CFTR: variants seen among roughly 807,000 people sequenced by gnomAD.
The protein encoded by CFTR is cystic fibrosis transmembrane conductance regulator.
A neutral mutation model predicts 171.6 loss-of-function variants in CFTR; 181 were observed. The observed-to-expected ratio is 1.05, with a 90% confidence interval of 0.93 to 1.19. The LOEUF is 1.19. Ranked by LOEUF, CFTR falls within the 50% of genes most tolerant of loss-of-function variation. CFTR has a pLI of 0.00. For missense variants in CFTR, 1,968 were observed against 1,734.7 expected (o/e 1.13, Z -2.39); for synonymous variants, 583 against 608.0 (o/e 0.96, Z 0.60).
chr7:117,610,899 G>A (rs950443981), intron 19 of CFTR, among the ~76,000 whole-genome samples: 1 of 151,984 alleles, frequency 6.6e-6, no homozygotes, highest in African/African-American at 2.4e-5. Flanking sequence ...TTTAAAATAG[G>A]TATATAGAAT....
Position 117,668,493 on chromosome 7 carries a change from G to A in CFTR, c.*1385G>A, listed in dbSNP as rs1342355372. On this transcript the variant is annotated 3_prime_UTR_variant, in exon 27 of 27. Coordinates refer to ENST00000003084, the MANE Select transcript of CFTR (RefSeq NM_000492.4). ...GTTGCCCACAGCTGTATGATTCCCA[G>A]CCAGCACAGCCTCTTAGATGCAGTT... 6.6e-6 allele frequency: 1 copy of A among 152,606 alleles called. No homozygotes were observed. The highest frequency in any genetic ancestry group is 1.5e-5 in the Non-Finnish European group (1 of 68,042). The allele number at this position is 152,606 out of a possible 1,614,324, so 9.5% of individuals were successfully genotyped here.
At chr7:117,545,280 C>T (rs1392616354) in intron 9 of CFTR, among the ~76,000 whole-genome samples, 1 of 152,184 alleles carries the variant, frequency 6.6e-6, no homozygotes, top group African/African-American at 2.4e-5. Flanking sequence ...CCCACTGGGT[C>T]CCTCCCACAA....
At chr7:117,508,251 A>T (rs1228503887) in intron 2 of CFTR, among the ~76,000 whole-genome samples, 1 of 152,194 alleles carries the variant, frequency 6.6e-6, no homozygotes, top group Non-Finnish European at 1.5e-5. Context: ...ATATTTAGAG[A>T]TATTTTATTC....
chr7:117,574,076 G>C (rs1791735943), intron 11 of CFTR, among the ~76,000 whole-genome samples: 1 of 151,928 alleles, frequency 6.6e-6, no homozygotes. Flanking sequence ...TTTCATGGAA[G>C]GGAAGATCTA....
At chr7:117,515,788 G>A (rs568448377) in intron 3 of CFTR, among the ~76,000 whole-genome samples, 2 of 152,112 alleles carry the variant, frequency 1.3e-5, no homozygotes, top group Non-Finnish European at 2.9e-5. Flanking sequence ...CCGTAAGGAC[G>A]ACACTTTTTC....
intron 6 of CFTR, 95 bp downstream of exon 6, chr7:117,535,506 T>TGAA: frequency 1.0e-6 from 1 of 959,130 alleles, no homozygotes; most frequent in African/African-American, 1.7e-5. Flanking sequence ...CATAGAACAG[T>TGAA]GATCTTCAGT....
intron 1 of CFTR, among the ~76,000 whole-genome samples, chr7:117,495,809 A>T (rs1453100784): frequency 6.6e-6 from 1 of 152,172 alleles, no homozygotes; most frequent in African/African-American, 2.4e-5. Context: ...GTTTAGTAAA[A>T]CTTTCTAAAA....
intron 11 of CFTR, among the ~76,000 whole-genome samples, chr7:117,568,815 T>C (rs1271418311): frequency 6.6e-6 from 1 of 152,174 alleles, no homozygotes; most frequent in Non-Finnish European, 1.5e-5. Context: ...TTACCAACTA[T>C]AGTGGCCACA....
chr7:117,531,605 C>T (rs1477551729), intron 4 of CFTR, among the ~76,000 whole-genome samples: 1 of 152,094 alleles, frequency 6.6e-6, no homozygotes, highest in Non-Finnish European at 1.5e-5. Context: ...ATCCTATGAG[C>T]CCTACAAATT....
At chr7:117,534,574 G>C (rs923923387) in intron 5 of CFTR, among the ~76,000 whole-genome samples, 1 of 152,150 alleles carries the variant, frequency 6.6e-6, no homozygotes, top group African/African-American at 2.4e-5. Flanking sequence ...AGGCACCTTA[G>C]CCTGTTGTTA....
At chr7:117,595,153 A>T in intron 15 of CFTR, 95 bp downstream of exon 15, 4 of 951,356 alleles carry the variant, frequency 4.2e-6, no homozygotes, top group South Asian at 4.1e-5. Flanking sequence ...ATAAATATGT[A>T]TATATACACA....
rs140579556 is a variant in CFTR at position 117,564,752 on chromosome 7, G to T, written c.1584+5097G>T. 188 of 167,030 alleles carry T rather than the reference G, an allele frequency of 1.1e-3. 1 individual carries two copies. The highest frequency in any genetic ancestry group is 3.9e-3 in the African/African-American group (161 of 41,564). 10.3% of individuals were successfully genotyped at this position (167,030 alleles called of 1,614,324 possible). ...ACTCTAATGTCTGCAAAGCACTTGC[G>T]TATGTAATGATGCTCAGTGTCATAG... On this transcript the variant is annotated intron_variant, in intron 11 of 26. Transcript: ENST00000003084.
intron 11 of CFTR, among the ~76,000 whole-genome samples, chr7:117,578,255 C>T (rs1791800301): frequency 6.6e-6 from 1 of 152,030 alleles, no homozygotes; most frequent in African/African-American, 2.4e-5. Flanking sequence ...TCTTCCTCCT[C>T]AGCTGACTCA....
chr7:117,487,685 A>T (rs3757802), intron 1 of CFTR: 1 of 151,894 alleles, frequency 6.6e-6, no homozygotes, highest in East Asian at 1.9e-4. Context: ...CTTAGCATGG[A>T]CTACAGAGGT....
intron 1 of CFTR, among the ~76,000 whole-genome samples, chr7:117,488,837 T>A (rs1798113788): frequency 6.6e-6 from 1 of 152,100 alleles, no homozygotes; most frequent in Non-Finnish European, 1.5e-5. Context: ...GTTATGTTTC[T>A]GAAATCGAGA....
chr7:117,633,425 T>A (rs921033256), intron 22 of CFTR, among the ~76,000 whole-genome samples: 1 of 152,138 alleles, frequency 6.6e-6, no homozygotes, highest in African/African-American at 2.4e-5. Flanking sequence ...TTATTTTGAA[T>A]CTTCTACATA....
intron 22 of CFTR, among the ~76,000 whole-genome samples, 174 bp from the exon 23 acceptor site, chr7:117,642,264 C>T (rs1792927578): frequency 6.6e-6 from 1 of 152,142 alleles, no homozygotes; most frequent in Non-Finnish European, 1.5e-5. Context: ...CTCCATATAT[C>T]AACATTGGTC....
intron 9 of CFTR, among the ~76,000 whole-genome samples, chr7:117,542,478 C>T (rs1047911111): frequency 4.6e-5 from 7 of 151,568 alleles, no homozygotes; most frequent in Non-Finnish European, 7.4e-5. Flanking sequence ...ACCTGGGAGG[C>T]GGAGGTTGCA....
At chr7:117,497,689 A>G (rs1191417682) in intron 1 of CFTR, among the ~76,000 whole-genome samples, 1 of 152,146 alleles carries the variant, frequency 6.6e-6, no homozygotes, top group Non-Finnish European at 1.5e-5. Context: ...TACCTTGTTG[A>G]GAAAGAAACC....
Sources: gnomAD v4.1 joint callset for allele counts (sites outside exome capture counted in the v4.1 genomes callset) on GRCh38, gnomAD v4.1.1 for gene constraint, MANE v1.5 for transcripts, NCBI Gene and HGNC (gene_info 2026-07-23, HGNC 2026-07-21) for gene names.